TERT: variants seen among roughly 807,000 people sequenced by gnomAD.
TERT encodes telomerase reverse transcriptase, also known as telomerase catalytic subunit.
In TERT, 42 loss-of-function variants were observed where a neutral mutation model predicts 104.0. That is an observed-to-expected ratio of 0.40 (90% CI 0.32 to 0.52). TERT has a LOEUF of 0.52. Among genes scored for constraint, TERT ranks in the 20% least tolerant of loss-of-function variants. TERT has a pLI of 0.43. For missense variants in TERT, 1,101 were observed against 1,610.3 expected (o/e 0.68, Z 5.41); for synonymous variants, 781 against 725.6 (o/e 1.08, Z -1.23).
intron 6 of TERT, among the ~76,000 whole-genome samples, chr5:1,278,308 G>A (rs1387744664): frequency 2.0e-5 from 3 of 152,124 alleles, no homozygotes; most frequent in Non-Finnish European, 2.9e-5. Context: ...ACACGCATAT[G>A]TCACGGACAC....
intron 10 of TERT, among the ~76,000 whole-genome samples, chr5:1,266,192 G>A (rs2126600239): frequency 6.6e-6 from 1 of 152,316 alleles, no homozygotes. Context: ...AGCAGCAGGA[G>A]CCAGGTCACC....
Position 1,262,609 on chromosome 5 carries a change from C to T in TERT, c.2843+1795G>A, listed in dbSNP as rs1027714135. On this transcript the variant is annotated intron_variant, in intron 11 of 15. Coordinates refer to ENST00000310581, the MANE Select transcript of TERT (RefSeq NM_198253.3). This position sits in a 1 kb window ranked among gnomAD's most constrained non-coding sequence, Gnocchi z 5.6. ...CCACCTCTGCAAGCACACACTCTGA[C>T]CAAGTGGCCTTTGGGAGCACAGAAT... Among the ~76,000 whole-genome samples the T allele has an allele frequency of 2.0e-5, 3 of 152,210 alleles. No homozygotes were observed. Among genetic ancestry groups the T allele is most frequent in the African/African-American group, 7.2e-5 (3 of 41,438 alleles).
intron 14 of TERT, 45 bp from the exon 15 acceptor site, chr5:1,254,550 C>A: frequency 2.5e-6 from 4 of 1,581,332 alleles, no homozygotes; most frequent in Non-Finnish European, 3.4e-6. Context: ...CAGCCCAGCT[C>A]CCCTCCCAGG....
At position 1,286,045 on chromosome 5, in the gene TERT, A is replaced by G. The variant is rs1468603902; in HGVS notation, c.1574-3421T>C. Among the ~76,000 whole-genome samples, 2 of 152,090 alleles carry G rather than the reference A, an allele frequency of 1.3e-5. No homozygotes were observed. On this transcript the variant is annotated intron_variant, in intron 2 of 15. Coordinates refer to ENST00000310581, the MANE Select transcript of TERT (RefSeq NM_198253.3). This position sits in a 1 kb window ranked among gnomAD's most constrained non-coding sequence, Gnocchi z 5.3. ...AGGTTTGCGCGATTTCAAACTCGAC[A>G]CCGCGGAGCCACCAGACCCCGACAT...
Position 1,253,714 on chromosome 5 carries a change from T to C in TERT, c.*14A>G. On this transcript the variant is annotated 3_prime_UTR_variant, in exon 16 of 16. Coordinates refer to ENST00000310581, the MANE Select transcript of TERT (RefSeq NM_198253.3). Reference sequence around the variant, plus strand: ...CTGGTGTCTGCTCTCGGCCTGGCTGTGGGCGGGTGGCCATCAGTCCAGGAT... The same window carrying C: ...CTGGTGTCTGCTCTCGGCCTGGCTGCGGGCGGGTGGCCATCAGTCCAGGAT... The C allele has an allele frequency of 1.9e-6, 3 of 1,603,126 alleles. No homozygotes were observed. The highest frequency in any genetic ancestry group is 2.6e-6 in the Non-Finnish European group (3 of 1,174,242).
chr5:1,275,325 G>C (rs1749476763), intron 6 of TERT, among the ~76,000 whole-genome samples: 1 of 148,660 alleles, frequency 6.7e-6, no homozygotes. Flanking sequence ...AGTGAGCCAA[G>C]ATCACGCCAA....
chr5:1,284,502 GGCGACCTCACTC>G (rs1408391935), intron 2 of TERT, among the ~76,000 whole-genome samples: 1 of 120,242 alleles, frequency 8.3e-6, no homozygotes, highest in African/African-American at 3.2e-5. Flanking sequence ...CCGAGGGCCT[GGCGACCTCACTC>G]CAGACCTGCA....
chr5:1,259,425 C>T (rs1464372276), intron 12 of TERT, among the ~76,000 whole-genome samples: 69 of 113,292 alleles, frequency 6.1e-4, no homozygotes, highest in African/African-American at 1.6e-3. Flanking sequence ...GGAGTGGACA[C>T]GGACGCCCAC....
chr5:1,257,567 C>T lies in TERT; in HGVS notation c.3032+1031G>A, dbSNP rs938487873. Among the ~76,000 whole-genome samples the T allele has an allele frequency of 6.6e-6, 1 of 152,236 alleles. No individual in the cohort carries two copies. Among genetic ancestry groups the T allele is most frequent in the Non-Finnish European group, 1.5e-5 (1 of 68,030 alleles). ...GAGGGCGGTCTGAGCCGGACGCACCCTGGAACTGAGACAGCCTGGTCCCAA... is the reference window on the plus strand; with the variant it reads ...GAGGGCGGTCTGAGCCGGACGCACCTTGGAACTGAGACAGCCTGGTCCCAA... On this transcript the variant is annotated intron_variant, in intron 13 of 15. Transcript: ENST00000310581. This position sits in a 1 kb window ranked among gnomAD's most constrained non-coding sequence, Gnocchi z 5.6.
rs35116243 is a variant in TERT, at chr5:1,286,417, G to A, written c.1574-3793C>T. On this transcript the variant is annotated intron_variant, in intron 2 of 15. Coordinates refer to ENST00000310581, the MANE Select transcript of TERT (RefSeq NM_198253.3). The surrounding 1 kb of genome is among the most constrained non-coding windows in gnomAD (Gnocchi z 5.3). ...GCAAAGCTACAGAAACACTCAACAC[G>A]GAAAACAATATTAATAATGCTTAGC... 2.0e-5 allele frequency among the ~76,000 whole-genome samples: 3 copies of A among 152,080 alleles called. No homozygotes were observed. Among genetic ancestry groups the A allele is most frequent in the African/African-American group, 7.2e-5 (3 of 41,416 alleles).
rs956185929 is a variant in TERT at position 1,255,491 on chromosome 5, T to G, written c.3033-80A>C. On this transcript the variant is annotated intron_variant, in intron 13 of 15. Transcript: ENST00000310581. This position sits in a 1 kb window ranked among gnomAD's most constrained non-coding sequence, Gnocchi z 6.9. ...GTGGGTGTGGGCATGGGCCCACCGG[T>G]GCCTGTGTGCGTGCATGAATGCACA... 4.4e-6 allele frequency: 7 copies of G among 1,584,944 alleles called. No individual in the cohort carries two copies. Among genetic ancestry groups the G allele is most frequent in the Non-Finnish European group, 6.1e-6 (7 of 1,156,414 alleles).
At position 1,263,923 on chromosome 5, in the gene TERT, T is replaced by C. The variant is rs754588709; in HGVS notation, c.2843+481A>G. 2.0e-5 allele frequency among the ~76,000 whole-genome samples: 3 copies of C among 152,196 alleles called. No homozygotes were observed. The highest frequency in any genetic ancestry group is 2.1e-4 in the South Asian group (1 of 4,830). ...TGAACTCATGGCATCCTGTAGACTG[T>C]GGATGAGCCTTGGAGTGTGGGGCTC... On this transcript the variant is annotated intron_variant, in intron 11 of 15. Coordinates refer to ENST00000310581, the MANE Select transcript of TERT (RefSeq NM_198253.3). This position sits in a 1 kb window ranked among gnomAD's most constrained non-coding sequence, Gnocchi z 5.3.
rs912022971 is a variant in TERT, at chr5:1,266,534, G to A, written c.2584C>T (p.Leu862=). 2.5e-6 allele frequency: 4 copies of A among 1,607,598 alleles called. No individual in the cohort carries two copies. In the Admixed American group the frequency reaches 5.1e-5, roughly 20 times the overall value. Residue 862 remains leucine, a splice_region_variant and synonymous_variant, in exon 10 of 16, where the codon CTG becomes TTG. Transcript: ENST00000310581. The part of the protein sequence containing the change: ...KLFAGIRRDG[L]LLRLVDDFLL... ...AAATCATCCACCAAACGCAGGAGCAGCCTAAAATAAGGGAAAATACACAGC... is the reference window on the plus strand; with the variant it reads ...AAATCATCCACCAAACGCAGGAGCAACCTAAAATAAGGGAAAATACACAGC...
rs1447887092 is a variant in TERT at position 1,287,131 on chromosome 5, A to G, written c.1574-4507T>C. 2.0e-5 allele frequency among the ~76,000 whole-genome samples: 3 copies of G among 152,180 alleles called. No individual in the cohort carries two copies. Among genetic ancestry groups the G allele is most frequent in the Non-Finnish European group, 2.9e-5 (2 of 68,034 alleles). ...AATAAATCAGGTTATCCAGTTAAAC[A>G]ACGACTGTCAGACTGGATTGGAAAT... is the stretch of plus-strand genomic sequence containing the variant. On this transcript the variant is annotated intron_variant, in intron 2 of 15. Transcript: ENST00000310581. The surrounding 1 kb of genome is among the most constrained non-coding windows in gnomAD (Gnocchi z 4.3).
In TERT at chr5:1,253,377, G is replaced by A. The variant is rs1055585533; in HGVS notation, c.*351C>T. 18 of 450,476 alleles carry A rather than the reference G, an allele frequency of 4.0e-5. No individual in the cohort carries two copies. The highest frequency in any genetic ancestry group is 2.6e-4 in the South Asian group (11 of 42,948). 27.9% of individuals were successfully genotyped at this position (450,476 alleles called of 1,614,324 possible). A position where few individuals can be genotyped will look rare whatever the true frequency, so the allele number is the denominator to read the frequency against. On this transcript the variant is annotated 3_prime_UTR_variant, in exon 16 of 16. Transcript: ENST00000310581. ...GGTGGAAGGCAAAGGAGGGCAGGGC[G>A]AGGGGTGAACAATGGCGAATCTGGG...
At chr5:1,254,265 G>A (rs1474782172) in intron 15 of TERT, 103 bp downstream of exon 15, 3 of 1,529,434 alleles carry the variant, frequency 2.0e-6, no homozygotes, top group African/African-American at 2.7e-5. Flanking sequence ...AGGCCCGGGG[G>A]CGTCTGCACT....
intron 6 of TERT, among the ~76,000 whole-genome samples, chr5:1,276,642 C>T (rs1161339687): frequency 6.6e-6 from 1 of 151,362 alleles, no homozygotes; most frequent in Non-Finnish European, 1.5e-5. Context: ...TCCACCTACA[C>T]CACACATGAA....
rs1303458839 is a variant in TERT at position 1,292,905 on chromosome 5, G to A, written c.1573+408C>T. Reference sequence around the variant, plus strand: ...TTACCTCCCACCCCCAGGAAGAGGGGGTTCTCGTCCCCACCTCTCATTCCC... The same window carrying A: ...TTACCTCCCACCCCCAGGAAGAGGGAGTTCTCGTCCCCACCTCTCATTCCC... On this transcript the variant is annotated intron_variant, in intron 2 of 15. Coordinates refer to ENST00000310581, the MANE Select transcript of TERT (RefSeq NM_198253.3). This position sits in a 1 kb window ranked among gnomAD's most constrained non-coding sequence, Gnocchi z 5.5. 6.6e-6 allele frequency among the ~76,000 whole-genome samples: 1 copy of A among 152,202 alleles called. No homozygotes were observed. Among genetic ancestry groups the A allele is most frequent in the African/African-American group, 2.4e-5 (1 of 41,464 alleles).
At chr5:1,266,564 T>C in intron 9 of TERT, 29 bp from the exon 10 acceptor site, 1 of 1,568,080 alleles carries the variant, frequency 6.4e-7, no homozygotes. Context: ...CACAGCAAGG[T>C]TAACTTTACA....
Sources: allele counts gnomAD v4.1 joint callset (sites outside exome capture counted in the v4.1 genomes callset), GRCh38; gene constraint gnomAD v4.1.1; non-coding constraint Gnocchi (gnomAD v3.1); transcripts MANE v1.5; gene names NCBI Gene and HGNC (gene_info 2026-07-23, HGNC 2026-07-21).